The following ZFAND3 variants were observed in gnomAD, a reference collection of about 807,000 sequenced individuals.
The protein encoded by ZFAND3 is zinc finger AN1-type containing 3, also known as AN1-type zinc finger protein 3.
In ZFAND3, 10 loss-of-function variants were observed where a neutral mutation model predicts 29.6. That is an observed-to-expected ratio of 0.34 (90% CI 0.21 to 0.57). ZFAND3 has a LOEUF of 0.57. Among genes scored for constraint, ZFAND3 ranks in the 20% least tolerant of loss-of-function variants. The pLI is 0.86. For missense variants in ZFAND3, 230 were observed against 304.5 expected, an observed-to-expected ratio of 0.76 and a Z score of 1.82; for synonymous variants, 128 against 112.6, an observed-to-expected ratio of 1.14 and a Z score of -0.87.
chr6:38,011,533 A>G (rs1189129059), intron 2 of ZFAND3, among the ~76,000 whole-genome samples: 1 of 152,134 alleles, frequency 6.6e-6, no homozygotes, highest in African/African-American at 2.4e-5. Context: ...TTTAATTTGT[A>G]TTTTTAATTT....
chr6:38,031,401 T>G (rs1378281321), intron 2 of ZFAND3, among the ~76,000 whole-genome samples: 2 of 152,244 alleles, frequency 1.3e-5, no homozygotes, highest in Non-Finnish European at 2.9e-5. Context: ...CTTAAACTTT[T>G]ATCTGTGACC....
Position 37,865,350 on chromosome 6 carries a change from C to T in ZFAND3, c.71+45334C>T, listed in dbSNP as rs1049193011. On this transcript the variant is annotated intron_variant, in intron 1 of 5. Transcript: ENST00000287218. ...AATGACAAGAAAAAAGATCTGTACA[C>T]GCTCAGTACAGGTGCAATTTCTTTT... is the stretch of plus-strand genomic sequence containing the variant. Among the ~76,000 whole-genome samples the T allele has an allele frequency of 2.0e-5, 3 of 152,126 alleles. 1 individual carries two copies. Among genetic ancestry groups the T allele is most frequent in the Middle Eastern group, 6.3e-3 (2 of 316 alleles).
intron 2 of ZFAND3, among the ~76,000 whole-genome samples, chr6:37,969,582 A>G (rs1475919973): frequency 2.6e-5 from 4 of 152,198 alleles, no homozygotes; most frequent in Admixed American, 2.0e-4. Flanking sequence ...TATGGTTTCT[A>G]CTGAATGTGT....
intron 2 of ZFAND3, among the ~76,000 whole-genome samples, chr6:38,034,798 A>G (rs1763627043): frequency 6.6e-6 from 1 of 150,812 alleles, no homozygotes. Context: ...TTATTTTCCC[A>G]TAGGCCTTTT....
chr6:37,821,064 G>T (rs562330466), intron 1 of ZFAND3, among the ~76,000 whole-genome samples: 3 of 152,322 alleles, frequency 2.0e-5, no homozygotes, highest in African/African-American at 7.2e-5. Context: ...TATATTTGGA[G>T]ACATAGAGGC....
chr6:37,937,878 T>C (rs1761733171), intron 2 of ZFAND3, among the ~76,000 whole-genome samples: 2 of 152,186 alleles, frequency 1.3e-5, no homozygotes, highest in Non-Finnish European at 2.9e-5. Flanking sequence ...AGGCTCTTCT[T>C]AACCATTATG....
intron 3 of ZFAND3, among the ~76,000 whole-genome samples, chr6:38,076,527 T>C (rs1764556861): frequency 6.6e-6 from 1 of 152,206 alleles, no homozygotes; most frequent in Non-Finnish European, 1.5e-5. Context: ...ACTTTGAAAA[T>C]TCCCTTCTCG....
chr6:37,853,360 C>G (rs568852936), intron 1 of ZFAND3, among the ~76,000 whole-genome samples: 12 of 132,834 alleles, frequency 9.0e-5, no homozygotes, highest in Admixed American at 3.3e-4. Context: ...TGAAAGATAC[C>G]AAGACAAACT....
intron 2 of ZFAND3, among the ~76,000 whole-genome samples, chr6:37,979,618 T>G (rs1762547585): frequency 6.6e-6 from 1 of 152,230 alleles, no homozygotes; most frequent in Non-Finnish European, 1.5e-5. Flanking sequence ...CAGTCTGACA[T>G]TGGGCACAGG....
intron 5 of ZFAND3, among the ~76,000 whole-genome samples, chr6:38,132,561 C>G (rs12201692): frequency 1.3e-5 from 2 of 152,136 alleles, no homozygotes; most frequent in East Asian, 3.8e-4. Context: ...TGTGTGTAAC[C>G]GCACTAGTCT....
chr6:38,014,660 G>A (rs1356997117), intron 2 of ZFAND3, among the ~76,000 whole-genome samples: 1 of 152,136 alleles, frequency 6.6e-6, no homozygotes, highest in African/African-American at 2.4e-5. Flanking sequence ...AAAAATATTG[G>A]AGTGCACAGA....
At chr6:37,896,554 C>CTTTCTTTCTTTCTTTG (rs1554153846) in intron 1 of ZFAND3, among the ~76,000 whole-genome samples, 11 of 137,814 alleles carry the variant, frequency 8.0e-5, no homozygotes, top group African/African-American at 3.1e-4. Flanking sequence ...TTCTTTCTTT[C>CTTTCTTTCTTTCTTTG]TTTCTTTCTT....
Position 37,858,644 on chromosome 6 carries a change from C to G in ZFAND3, c.71+38628C>G, listed in dbSNP as rs570095728. 3.9e-5 allele frequency among the ~76,000 whole-genome samples: 6 copies of G among 152,218 alleles called. No individual in the cohort carries two copies. In the South Asian group the frequency reaches 1.2e-3, roughly 32 times the overall value. ...ATAAAACACATCCTGTTATATTTTCCTGATTTGAACACAAAAGACATGTAT... is the reference window on the plus strand; with the variant it reads ...ATAAAACACATCCTGTTATATTTTCGTGATTTGAACACAAAAGACATGTAT... On this transcript the variant is annotated intron_variant, in intron 1 of 5. Coordinates refer to ENST00000287218, the MANE Select transcript of ZFAND3 (RefSeq NM_021943.3).
chr6:37,910,919 T>A (rs1000371151), intron 1 of ZFAND3, among the ~76,000 whole-genome samples: 8 of 152,228 alleles, frequency 5.3e-5, no homozygotes, highest in Non-Finnish European at 1.2e-4. Context: ...TGTGTTTATA[T>A]GTCACATTTT....
chr6:37,836,421 A>G (rs1763969540), intron 1 of ZFAND3, among the ~76,000 whole-genome samples: 1 of 152,182 alleles, frequency 6.6e-6, no homozygotes, highest in South Asian at 2.1e-4. Context: ...ATAGGAGGTA[A>G]ATCAGGTGAG....
At chr6:37,944,289 C>A (rs1761862708) in intron 2 of ZFAND3, among the ~76,000 whole-genome samples, 1 of 152,004 alleles carries the variant, frequency 6.6e-6, no homozygotes, top group Non-Finnish European at 1.5e-5. Flanking sequence ...TCATTAGTAC[C>A]TTAAAGAAAT....
intron 3 of ZFAND3, among the ~76,000 whole-genome samples, chr6:38,071,089 A>C: frequency 6.6e-6 from 1 of 151,150 alleles, no homozygotes; most frequent in South Asian, 2.1e-4. Flanking sequence ...ATATGTAACA[A>C]ATTCTGGATA....
intron 2 of ZFAND3, among the ~76,000 whole-genome samples, chr6:37,968,260 G>A (rs1762325598): frequency 1.1e-4 from 16 of 151,974 alleles, no homozygotes; most frequent in Admixed American, 1.0e-3. Context: ...TTCCTGGGGA[G>A]GCAAGAGGGC....
chr6:37,864,024 G>C (rs574395635), intron 1 of ZFAND3, among the ~76,000 whole-genome samples: 25 of 152,266 alleles, frequency 1.6e-4, no homozygotes, highest in African/African-American at 4.8e-4. Context: ...TGTTCTAAAA[G>C]TTTGAATGTG....
Sources: allele counts gnomAD v4.1 joint callset (sites outside exome capture counted in the v4.1 genomes callset), GRCh38; gene constraint gnomAD v4.1.1; transcripts MANE v1.5; gene names NCBI Gene and HGNC (gene_info 2026-07-23, HGNC 2026-07-21).